The following TMEM163 variants were observed in gnomAD, a reference collection of about 807,000 sequenced individuals.
TMEM163 encodes the protein transmembrane protein 163.
TMEM163 carries 17 observed loss-of-function variants against 29.3 expected under a neutral mutation model. The ratio of observed to expected loss-of-function variants is 0.58; its 90% CI spans 0.40 to 0.87. TMEM163 has a LOEUF of 0.87. Ranked by LOEUF, TMEM163 falls within the 40% of genes least tolerant of loss-of-function variation. The pLI is 0.00. For missense variants in TMEM163, 303 were observed against 381.5 expected, an observed-to-expected ratio of 0.79 and a Z score of 1.71; for synonymous variants, 157 against 160.6, an observed-to-expected ratio of 0.98 and a Z score of 0.17.
At chr2:134,623,707 C>T (rs1022646297) in intron 2 of TMEM163, among the ~76,000 whole-genome samples, 52 of 151,998 alleles carry the variant, frequency 3.4e-4, no homozygotes, top group African/African-American at 1.2e-3. Flanking sequence ...GCAGAGGTTA[C>T]GGTGAGCCGA....
chr2:134,465,945 T>C (rs1003251829), intron 6 of TMEM163, among the ~76,000 whole-genome samples, 169 bp downstream of exon 6: 3 of 152,164 alleles, frequency 2.0e-5, no homozygotes, highest in South Asian at 4.1e-4. Context: ...TCTGCCCTGA[T>C]ATGGGAGCTC....
At chr2:134,546,216 A>G (rs1299033063) in intron 4 of TMEM163, among the ~76,000 whole-genome samples, 1 of 152,236 alleles carries the variant, frequency 6.6e-6, no homozygotes, top group African/African-American at 2.4e-5. Context: ...CATTTATCCT[A>G]AAGAATTGGA....
intron 4 of TMEM163, among the ~76,000 whole-genome samples, chr2:134,531,796 T>C (rs1680422196): frequency 6.6e-6 from 1 of 152,178 alleles, no homozygotes. Flanking sequence ...CTTCTTTGTG[T>C]AGGCATAATT....
rs148543391 is a variant in TMEM163, at chr2:134,685,425, G to A, written c.322+27775C>T. 7.6e-4 allele frequency among the ~76,000 whole-genome samples: 116 copies of A among 152,320 alleles called. 1 individual carries two copies. Among genetic ancestry groups the A allele is most frequent in the African/African-American group, 2.6e-3 (110 of 41,572 alleles). On this transcript the variant is annotated intron_variant, in intron 2 of 7. Coordinates refer to ENST00000281924, the MANE Select transcript of TMEM163 (RefSeq NM_030923.5). ...CTGTAACTTGAAGTCTTTTTATCATGAGCAGTTTTGGGAGAGCAATTTTGC... is the reference window on the plus strand; with the variant it reads ...CTGTAACTTGAAGTCTTTTTATCATAAGCAGTTTTGGGAGAGCAATTTTGC...
intron 2 of TMEM163, among the ~76,000 whole-genome samples, chr2:134,573,246 A>G (rs1681474335): frequency 6.6e-6 from 1 of 152,256 alleles, no homozygotes; most frequent in African/African-American, 2.4e-5. Flanking sequence ...TGCATCATCC[A>G]GCAACTAGAA....
intron 2 of TMEM163, among the ~76,000 whole-genome samples, chr2:134,601,300 C>T (rs1029111675): frequency 6.6e-6 from 1 of 152,192 alleles, no homozygotes; most frequent in Non-Finnish European, 1.5e-5. Context: ...AAGTCAGCCA[C>T]GGTCACCTAA....
intron 2 of TMEM163, among the ~76,000 whole-genome samples, chr2:134,645,464 C>A (rs1683315465): frequency 1.3e-5 from 2 of 152,126 alleles, no homozygotes; most frequent in Admixed American, 6.6e-5. Context: ...AAAAAGTTTG[C>A]CAACATCTGG....
intron 2 of TMEM163, among the ~76,000 whole-genome samples, chr2:134,624,647 G>A (rs952521515): frequency 5.3e-5 from 8 of 152,076 alleles, no homozygotes; most frequent in African/African-American, 1.2e-4. Flanking sequence ...AGTGGCTCAC[G>A]CCTGTAATCC....
At chr2:134,711,752 T>C (rs962003181) in intron 2 of TMEM163, among the ~76,000 whole-genome samples, 5 of 152,250 alleles carry the variant, frequency 3.3e-5, no homozygotes, top group Admixed American at 2.0e-4. Context: ...ATTACTCTCC[T>C]AGAAGAAAGA....
In TMEM163 at chr2:134,483,092, G is replaced by A. The variant is rs185966624; in HGVS notation, c.556-16867C>T. Among the ~76,000 whole-genome samples the A allele has an allele frequency of 1.6e-4, 24 of 152,282 alleles. 1 individual carries two copies. The highest frequency in any genetic ancestry group is 6.8e-3 in the Middle Eastern group (2 of 294). On this transcript the variant is annotated intron_variant, in intron 5 of 7. Coordinates refer to ENST00000281924, the MANE Select transcript of TMEM163 (RefSeq NM_030923.5). Reference sequence around the variant, plus strand: ...GCGGCCGAGGGCTACGACCAGCTCCGTGACAATGAGGGCACTCTGAGGCGC... The same window carrying A: ...GCGGCCGAGGGCTACGACCAGCTCCATGACAATGAGGGCACTCTGAGGCGC...
At chr2:134,484,535 G>A (rs1411450450) in intron 5 of TMEM163, among the ~76,000 whole-genome samples, 2 of 152,108 alleles carry the variant, frequency 1.3e-5, no homozygotes, top group African/African-American at 2.4e-5. Flanking sequence ...TTAGCCAGGC[G>A]TGGTGGCATG....
At chr2:134,580,261 G>C (rs1256224284) in intron 2 of TMEM163, among the ~76,000 whole-genome samples, 3 of 152,202 alleles carry the variant, frequency 2.0e-5, no homozygotes, top group Non-Finnish European at 4.4e-5. Context: ...AAGGGCTGAA[G>C]ATTAATTAGG....
intron 5 of TMEM163, chr2:134,468,038 T>A (rs918132892): frequency 6.6e-6 from 1 of 151,684 alleles, no homozygotes; most frequent in Admixed American, 6.6e-5. Flanking sequence ...TGGGAGGGGG[T>A]CAGGAGCCCC....
rs577613891 is a variant in TMEM163 at position 134,692,626 on chromosome 2, G to A, written c.322+20574C>T. 3.0e-4 allele frequency among the ~76,000 whole-genome samples: 46 copies of A among 152,234 alleles called. 5 individuals carry two copies. Among genetic ancestry groups the A allele is most frequent in the African/African-American group, 9.6e-4 (40 of 41,534 alleles). ...TTCCAGATGGCTGCCTCCTCACTGC[G>A]TCCTCACACGGCCGTTCCTCAGTGC... On this transcript the variant is annotated intron_variant, in intron 2 of 7. Coordinates refer to ENST00000281924, the MANE Select transcript of TMEM163 (RefSeq NM_030923.5).
intron 2 of TMEM163, among the ~76,000 whole-genome samples, chr2:134,685,626 G>C (rs769194507): frequency 6.6e-6 from 1 of 152,192 alleles, no homozygotes; most frequent in Non-Finnish European, 1.5e-5. Context: ...TGGAGAACCC[G>C]TCACCACAGC....
chr2:134,605,260 T>C (rs902398603), intron 2 of TMEM163, among the ~76,000 whole-genome samples: 1 of 151,954 alleles, frequency 6.6e-6, no homozygotes, highest in Admixed American at 6.6e-5. Flanking sequence ...AGCATAATCT[T>C]GGGCTTAGCA....
chr2:134,640,600 C>G (rs916385099), intron 2 of TMEM163, among the ~76,000 whole-genome samples: 1 of 152,134 alleles, frequency 6.6e-6, no homozygotes, highest in Non-Finnish European at 1.5e-5. Flanking sequence ...TCTCTATGAA[C>G]CGGGGAAATG....
chr2:134,464,966 C>T (rs1162724535), intron 6 of TMEM163, among the ~76,000 whole-genome samples: 1 of 152,088 alleles, frequency 6.6e-6, no homozygotes, highest in African/African-American at 2.4e-5. Context: ...GTGAGAAGGG[C>T]CCCACAACTG....
intron 2 of TMEM163, among the ~76,000 whole-genome samples, chr2:134,700,949 A>C (rs370961693): frequency 2.2e-5 from 3 of 136,768 alleles, no homozygotes; most frequent in African/African-American, 6.0e-5. Context: ...TAAATAAATA[A>C]AGTAAAAAAT....
Sources: gnomAD v4.1 joint callset for allele counts (sites outside exome capture counted in the v4.1 genomes callset) on GRCh38, gnomAD v4.1.1 for gene constraint, MANE v1.5 for transcripts, NCBI Gene and HGNC (gene_info 2026-07-23, HGNC 2026-07-21) for gene names.